LRWD1: variants seen among roughly 807,000 people sequenced by gnomAD.
LRWD1 encodes leucine rich repeats and WD repeat domain containing 1.
Under a neutral mutation model 75.6 loss-of-function variants are expected in LRWD1, and 76 were observed. That is an observed-to-expected ratio of 1.01 (90% CI 0.84 to 1.22). LRWD1 has a LOEUF of 1.22. Ranked by LOEUF, LRWD1 falls within the 50% of genes most tolerant of loss-of-function variation. The pLI, the probability that LRWD1 is intolerant of heterozygous loss-of-function variation, is 0.00. For missense variants in LRWD1, 917 were observed against 862.0 expected (o/e 1.06, Z -0.80); for synonymous variants, 487 against 377.0 (o/e 1.29, Z -3.38).
At chr7:102,465,735 A>G in intron 1 of LRWD1, 82 bp from the exon 2 acceptor site, 1 of 1,011,038 alleles carries the variant, frequency 9.9e-7, no homozygotes, top group Non-Finnish European at 1.5e-6. Context: ...GTCAGGTGAA[A>G]AAGCCTTCTG....
intron 1 of LRWD1, 40 bp from the exon 2 acceptor site, chr7:102,465,777 A>G (rs111295263): frequency 6.6e-7 from 1 of 1,524,192 alleles, no homozygotes; most frequent in South Asian, 1.1e-5. Context: ...GTAGGGTGCA[A>G]AGCCTGCCCG....
chr7:102,468,692 CCGACTGACTCCTGAACAG>C, intron 8 of LRWD1, 38 bp downstream of exon 8: 2 of 1,548,860 alleles, frequency 1.3e-6, no homozygotes, highest in Non-Finnish European at 1.7e-6. Flanking sequence ...GCAAGGGTGC[CCGACTGACTCCTGAACAG>C]CAGCATGGGG....
chr7:102,473,124 G>A lies in LRWD1; in HGVS notation c.*75G>A, dbSNP rs1000654546. On this transcript the variant is annotated 3_prime_UTR_variant, in exon 15 of 15. Transcript: ENST00000292616. ...CTTTGGGCCGATGGGGGTGGGGGGG[G>A]GTCTTTCAGTGAATATTTTTATTAA... The A allele has an allele frequency of 1.3e-5, 19 of 1,432,116 alleles. No individual in the cohort carries two copies. The highest frequency in any genetic ancestry group is 1.8e-5 in the Non-Finnish European group (19 of 1,061,836). The allele number at this position is 1,432,116 out of a possible 1,614,324, so 88.7% of individuals were successfully genotyped here.
In LRWD1 at chr7:102,465,885, A is replaced by G; in HGVS notation, c.149A>G (p.Gln50Arg). Residue 50 changes from glutamine to arginine, a missense_variant, in exon 2 of 15, where the codon CAG becomes CGG. By Grantham distance (43) the Gln-to-Arg change is conservative (BLOSUM62 1). Coordinates refer to ENST00000292616, the MANE Select transcript of LRWD1 (RefSeq NM_152892.3). The stretch of plus-strand genomic sequence containing the variant: ...CTCCTGTGCCGCCTGACGCAGCTGC[A>G]GGAGCTTGACCTGTCTAACAACCAC... Reference protein sequence around the residue: ...PKLLCRLTQLQELDLSNNHLE... With the variant: ...PKLLCRLTQLRELDLSNNHLE... 1 of 1,613,608 alleles carries G rather than the reference A, an allele frequency of 6.2e-7. No homozygotes were observed. The highest frequency in any genetic ancestry group is 8.5e-7 in the Non-Finnish European group (1 of 1,180,008).
Position 102,465,995 on chromosome 7 carries a change from T to A in LRWD1, c.259T>A (p.Leu87Met). ...CAACCAGCTGGGGGATGTTACTGCC[T>A]TGTGCCAGTTCCCCAAGCTCGAGGA... ...ANNQLGDVTA[L>M]CQFPKLEELS... The change falls in exon 2 of 15, where the codon TTG becomes ATG. Residue 87 changes from leucine (L) to methionine (M), a missense_variant. Transcript: ENST00000292616. 1 of 1,614,018 alleles carries A rather than the reference T, an allele frequency of 6.2e-7. No homozygotes were observed. Among genetic ancestry groups the A allele is most frequent in the Non-Finnish European group, 8.5e-7 (1 of 1,180,030 alleles).
intron 11 of LRWD1, 41 bp from the exon 12 acceptor site, chr7:102,472,177 C>T (rs1324329540): frequency 1.3e-6 from 2 of 1,546,350 alleles, no homozygotes; most frequent in Non-Finnish European, 8.8e-7. Context: ...AGCTCTCTAT[C>T]TGCAAGGAAT....
Position 102,467,659 on chromosome 7 carries a change from C to T in LRWD1, c.574-60C>T, listed in dbSNP as rs777080907. ...GCATAAGCTCCCCCTGACTATGCAT[C>T]GGCAGGGCTGGGGGCACCTGGGACT... On this transcript the variant is annotated intron_variant, in intron 4 of 14. Transcript: ENST00000292616. 1.5e-5 allele frequency: 23 copies of T among 1,516,458 alleles called. No homozygotes were observed. In the African/African-American group the frequency reaches 2.3e-4, roughly 15 times the overall value. The allele number at this position is 1,516,458 out of a possible 1,614,324, so 93.9% of individuals were successfully genotyped here.
At position 102,465,080 on chromosome 7, in the gene LRWD1, C is replaced by T. The variant is rs747002842; in HGVS notation, c.-1C>T. ...GTCAGCGCGGGCTGCGCCTCCTCGCCATGGGCCCCCTCTCGGCGCGGCTGC... is the reference window on the plus strand; with the variant it reads ...GTCAGCGCGGGCTGCGCCTCCTCGCTATGGGCCCCCTCTCGGCGCGGCTGC... On this transcript the variant is annotated 5_prime_UTR_variant, in exon 1 of 15. Transcript: ENST00000292616. The T allele has an allele frequency of 1.3e-6, 2 of 1,489,398 alleles. No individual in the cohort carries two copies. Among genetic ancestry groups the T allele is most frequent in the African/African-American group, 1.5e-5 (1 of 68,306 alleles). The allele number at this position is 1,489,398 out of a possible 1,614,324, so 92.3% of individuals were successfully genotyped here.
Position 102,469,873 on chromosome 7 carries a change from A to C in LRWD1, c.1433A>C (p.Gln478Pro), listed in dbSNP as rs763587231. 99 of 1,567,044 alleles carry C rather than the reference A, an allele frequency of 6.3e-5. No homozygotes were observed. In the East Asian group the frequency reaches 2.2e-3, roughly 35 times the overall value. Reference sequence around the variant, plus strand: ...TGGGACGTGCGGCTGGACCAGCCCCAAAAGAGGAGGTGAGGCTGGGCAGGG... The same window carrying C: ...TGGGACGTGCGGCTGGACCAGCCCCCAAAGAGGAGGTGAGGCTGGGCAGGG... Reference protein sequence around the residue: ...CCWDVRLDQPQKRRVCEVEFV... With the variant: ...CCWDVRLDQPPKRRVCEVEFV... Residue 478 changes from glutamine to proline, a missense_variant, in exon 11 of 15, where the codon CAA becomes CCA. Gln to Pro is a moderately conservative substitution (Grantham distance 76). Transcript: ENST00000292616.
At position 102,472,222 on chromosome 7, in the gene LRWD1, T is replaced by C. The variant is rs1426233871; in HGVS notation, c.1447T>C (p.Cys483Arg). 3.8e-6 allele frequency: 6 copies of C among 1,590,846 alleles called. No homozygotes were observed. The African/African-American group carries it at 4.0e-5, about 11-fold the overall frequency. The change falls in exon 12 of 15, where the codon TGT becomes CGT. Residue 483 changes from cysteine to arginine, a missense_variant. Coordinates refer to ENST00000292616, the MANE Select transcript of LRWD1 (RefSeq NM_152892.3). ...RLDQPQKRRV[C>R]EVEFVFSEGS... ...GCATCTCGTGCTGCCCCACAGGGTG[T>C]GTGAAGTGGAATTCGTCTTCTCTGA...
intron 3 of LRWD1, 125 bp from the exon 4 acceptor site, chr7:102,467,209 TGTGTG>T (rs879056979): frequency 1.4e-5 from 11 of 770,730 alleles, no homozygotes; most frequent in Admixed American, 6.5e-5. Flanking sequence ...TGTGTGTGTG[TGTGTG>T]TTTTATGAGG....
intron 11 of LRWD1, chr7:102,471,443 A>G (rs1306813528): frequency 1.3e-5 from 2 of 154,538 alleles, no homozygotes; most frequent in African/African-American, 2.4e-5. Flanking sequence ...TGTTGAAAGG[A>G]GCAGCAGGGG....
At position 102,468,546 on chromosome 7, in the gene LRWD1, G is replaced by C; in HGVS notation, c.920-8G>C. 1.3e-6 allele frequency: 2 copies of C among 1,561,472 alleles called. No homozygotes were observed. Among genetic ancestry groups the C allele is most frequent in the Non-Finnish European group, 1.7e-6 (2 of 1,152,570 alleles). On this transcript the variant is annotated splice_region_variant and splice_polypyrimidine_tract_variant and intron_variant, in intron 7 of 14. Coordinates refer to ENST00000292616, the MANE Select transcript of LRWD1 (RefSeq NM_152892.3). ...TGCTCATCCGACCTCTCAAAACCGG[G>C]CACTCAGGGGCCACATCCCAGACCG... is the stretch of plus-strand genomic sequence containing the variant.
chr7:102,465,030 G>C lies in LRWD1; in HGVS notation c.-51G>C. On this transcript the variant is annotated 5_prime_UTR_variant, in exon 1 of 15. Coordinates refer to ENST00000292616, the MANE Select transcript of LRWD1 (RefSeq NM_152892.3). The stretch of plus-strand genomic sequence containing the variant: ...CGGGCTCCAGGAGACGCAGGGCGAC[G>C]CCACACGCCGGGGTGGCCGACTGGG... The C allele has an allele frequency of 7.1e-7, 1 of 1,413,420 alleles. No homozygotes were observed. The highest frequency in any genetic ancestry group is 3.1e-5 in the East Asian group (1 of 32,686). The allele number at this position is 1,413,420 out of a possible 1,614,324, so 87.6% of individuals were successfully genotyped here.
Position 102,468,197 on chromosome 7 carries a change from G to T in LRWD1, c.804+10G>T, listed in dbSNP as rs200337833. On this transcript the variant is annotated intron_variant, in intron 6 of 14. Coordinates refer to ENST00000292616, the MANE Select transcript of LRWD1 (RefSeq NM_152892.3). ...CTCCGATGGCAGCCAGGTGAGCTGA[G>T]GTGGCAAGGAGCAGGTGGCAGATGA... is the stretch of plus-strand genomic sequence containing the variant. 1.9e-5 allele frequency: 31 copies of T among 1,605,484 alleles called. No individual in the cohort carries two copies. The highest frequency in any genetic ancestry group is 1.7e-6 in the Non-Finnish European group (2 of 1,177,056).
At chr7:102,465,330 G>C (rs1434299012) in intron 1 of LRWD1, among the ~76,000 whole-genome samples, 170 bp downstream of exon 1, 1 of 152,140 alleles carries the variant, frequency 6.6e-6, no homozygotes, top group Non-Finnish European at 1.5e-5. Flanking sequence ...CTCGCCGGGA[G>C]CCCCGAGGGG....
intron 11 of LRWD1, 159 bp from the exon 12 acceptor site, chr7:102,472,059 G>A: frequency 1.4e-6 from 1 of 696,708 alleles, no homozygotes; most frequent in Non-Finnish European, 2.5e-6. Context: ...AGGGCAAACT[G>A]AACCTTCCTG....
intron 13 of LRWD1, 25 bp from the exon 14 acceptor site, chr7:102,472,663 CCACT>C (rs762607365): frequency 2.3e-4 from 378 of 1,612,722 alleles, no homozygotes; most frequent in Non-Finnish European, 3.0e-4. Context: ...AGCTCTGCCC[CCACT>C]CAGACTCCAC....
chr7:102,468,999 C>G lies in LRWD1; in HGVS notation c.1165C>G (p.Arg389Gly), dbSNP rs767286922. 3.7e-6 allele frequency: 6 copies of G among 1,612,918 alleles called. No homozygotes were observed. Among genetic ancestry groups the G allele is most frequent in the Non-Finnish European group, 5.1e-6 (6 of 1,179,798 alleles). The change falls in exon 9 of 15, where the codon CGA becomes GGA. Residue 389 changes from arginine (R) to glycine (G), a missense_variant. Transcript: ENST00000292616. ...VRAGFCCGVI[R>G]AHKKAIATLC... ...TGCCGGCTTCTGCTGCGGGGTCATC[C>G]GAGCCCACAAGAAGGCCATCGCCAC...
Sources: gnomAD v4.1 joint callset for allele counts (sites outside exome capture counted in the v4.1 genomes callset) on GRCh38, gnomAD v4.1.1 for gene constraint, MANE v1.5 for transcripts, NCBI Gene and HGNC (gene_info 2026-07-23, HGNC 2026-07-21) for gene names.